The following PPP2R1A variants were observed in gnomAD, a reference collection of about 807,000 sequenced individuals.
The protein encoded by PPP2R1A is protein phosphatase 2 scaffold subunit Aalpha.
Under a neutral mutation model 67.1 loss-of-function variants are expected in PPP2R1A, and 15 were observed. The ratio of observed to expected loss-of-function variants is 0.22; its 90% confidence interval spans 0.15 to 0.34. The LOEUF is 0.34. Ranked by LOEUF, PPP2R1A falls within the 10% of genes least tolerant of loss-of-function variation. The probability of loss-of-function intolerance (pLI) is 1.00; values close to 1 mark genes in which losing one functional copy is unlikely to be tolerated. For synonymous variants in PPP2R1A, 337 were observed against 325.0 expected, an observed-to-expected ratio of 1.04 and a Z score of -0.40; for missense variants, 369 against 775.0, an observed-to-expected ratio of 0.48 and a Z score of 6.22.
Position 52,211,213 on chromosome 19 carries a change from GGATGGTGGA to G in PPP2R1A, c.271-44_271-36del. ...GTGCAGGATGGGGCTCCAGGGCTGC[GGATGGTGGA>G]GAGGGAGCTGTCCAGTGACTTTGTG... On this transcript the variant is annotated intron_variant, in intron 3 of 14. Coordinates refer to ENST00000322088, the MANE Select transcript of PPP2R1A (RefSeq NM_014225.6). This position sits in a 1 kb window ranked among gnomAD's most constrained non-coding sequence, Gnocchi z 5.3. 6.4e-7 allele frequency: 1 copy of G among 1,573,460 alleles called. No homozygotes were observed. Among genetic ancestry groups the G allele is most frequent in the Non-Finnish European group, 8.7e-7 (1 of 1,153,620 alleles).
chr19:52,190,192 GA>G lies in PPP2R1A; in HGVS notation c.78+19del, dbSNP rs2089438972. 6.5e-7 allele frequency: 1 copy of G among 1,549,798 alleles called. No homozygotes were observed. The highest frequency in any genetic ancestry group is 2.5e-5 in the East Asian group (1 of 40,682). On this transcript the variant is annotated intron_variant, in intron 1 of 14. Transcript: ENST00000322088. Reference sequence around the variant, plus strand: ...ACGTTCAGGTCCGGAGGCTACGGGGGACTTGGGGAAGACGCGGAGGGGTACC... The same window carrying G: ...ACGTTCAGGTCCGGAGGCTACGGGGGCTTGGGGAAGACGCGGAGGGGTACC...
rs2122339554 is a variant in PPP2R1A at position 52,213,147 on chromosome 19, G to T, written c.807+37G>T. 6.6e-7 allele frequency: 1 copy of T among 1,515,018 alleles called. No homozygotes were observed. The highest frequency in any genetic ancestry group is 1.3e-5 in the South Asian group (1 of 77,006). The allele number at this position is 1,515,018 out of a possible 1,614,324, so 93.8% of individuals were successfully genotyped here. On this transcript the variant is annotated intron_variant, in intron 6 of 14. Coordinates refer to ENST00000322088, the MANE Select transcript of PPP2R1A (RefSeq NM_014225.6). The surrounding 1 kb of genome is among the most constrained non-coding windows in gnomAD (Gnocchi z 4.2). ...ACCGTTGACATTGTCCCACTGGTGG[G>T]GACACTGACACTCTCAGAAGGGAAG...
At chr19:52,206,242 G>C (rs1031500208) in intron 3 of PPP2R1A, among the ~76,000 whole-genome samples, 179 bp downstream of exon 3, 6 of 152,122 alleles carry the variant, frequency 3.9e-5, no homozygotes, top group Admixed American at 6.5e-5. Flanking sequence ...GTGAACTCAG[G>C]GTGCAGTTAT....
chr19:52,213,128 G>A lies in PPP2R1A; in HGVS notation c.807+18G>A, dbSNP rs2122339413. On this transcript the variant is annotated intron_variant, in intron 6 of 14. Coordinates refer to ENST00000322088, the MANE Select transcript of PPP2R1A (RefSeq NM_014225.6). The surrounding 1 kb of genome is among the most constrained non-coding windows in gnomAD (Gnocchi z 4.2). ...TCACAGAGGTAGATGAGCGACCGTT[G>A]ACATTGTCCCACTGGTGGGGACACT... 6.5e-7 allele frequency: 1 copy of A among 1,536,894 alleles called. No individual in the cohort carries two copies. Among genetic ancestry groups the A allele is most frequent in the South Asian group, 1.2e-5 (1 of 80,528 alleles).
At position 52,190,102 on chromosome 19, in the gene PPP2R1A, G is replaced by C; in HGVS notation, c.6G>C (p.Ala2=). The change falls in exon 1 of 15, where the codon GCG becomes GCC. Residue 2 remains alanine (A), a synonymous_variant. Coordinates refer to ENST00000322088, the MANE Select transcript of PPP2R1A (RefSeq NM_014225.6). Reference sequence around the variant, plus strand: ...AGGAAAGGGACGGAGCCAAGATGGCGGCGGCCGACGGCGACGACTCGCTGT... The same window carrying C: ...AGGAAAGGGACGGAGCCAAGATGGCCGCGGCCGACGGCGACGACTCGCTGT... M[A]AADGDDSLYP... 1 of 1,550,284 alleles carries C rather than the reference G, an allele frequency of 6.5e-7. No homozygotes were observed. The highest frequency in any genetic ancestry group is 8.7e-7 in the Non-Finnish European group (1 of 1,146,616).
chr19:52,225,703 CT>C lies in PPP2R1A; in HGVS notation c.1662-11del. 6.2e-7 allele frequency: 1 copy of C among 1,613,106 alleles called. No individual in the cohort carries two copies. The highest frequency in any genetic ancestry group is 8.5e-7 in the Non-Finnish European group (1 of 1,179,084). On this transcript the variant is annotated splice_polypyrimidine_tract_variant and intron_variant, in intron 13 of 14. Coordinates refer to ENST00000322088, the MANE Select transcript of PPP2R1A (RefSeq NM_014225.6). The stretch of plus-strand genomic sequence containing the variant: ...GGCTCACCCTCTCTCTCCCTGTCTC[CT>C]TTCGCTTTCCAGCACCTTGCAGAGT...
At chr19:52,198,409 G>A in intron 1 of PPP2R1A, among the ~76,000 whole-genome samples, 1 of 152,080 alleles carries the variant, frequency 6.6e-6, no homozygotes, top group East Asian at 1.9e-4. Context: ...CCCACCTCTT[G>A]GGCATCCCCA....
chr19:52,205,595 CT>C (rs1178206273), intron 2 of PPP2R1A, among the ~76,000 whole-genome samples: 3 of 152,320 alleles, frequency 2.0e-5, no homozygotes, highest in South Asian at 4.1e-4. Context: ...CAAAAAAGCT[CT>C]CGTTGACCAT....
rs1483477753 is a variant in PPP2R1A, at chr19:52,229,094, C to G, written c.*3113C>G. On this transcript the variant is annotated 3_prime_UTR_variant, in exon 15 of 15. Coordinates refer to ENST00000322088, the MANE Select transcript of PPP2R1A (RefSeq NM_014225.6). ...AAGATTCTGCCTGTGGCCATCAGGG[C>G]TGGAGGGAAGGAGGCCAGGTTCATC... is the stretch of plus-strand genomic sequence containing the variant. The G allele has an allele frequency of 6.6e-6, 1 of 152,148 alleles. No individual in the cohort carries two copies. Among genetic ancestry groups the G allele is most frequent in the African/African-American group, 2.4e-5 (1 of 41,390 alleles). The allele number at this position is 152,148 out of a possible 1,614,324, so 9.4% of individuals were successfully genotyped here.
chr19:52,202,257 C>T (rs183955266), intron 2 of PPP2R1A, among the ~76,000 whole-genome samples: 19 of 148,804 alleles, frequency 1.3e-4, no homozygotes, highest in Non-Finnish European at 2.6e-4. Context: ...GCAGGTAGAA[C>T]GAGGTTTGAG....
chr19:52,226,056 TG>T lies in PPP2R1A; in HGVS notation c.*81del, dbSNP rs1979240390. ...CACAAGTCCCTCTTTGGGGAGACAC[TG>T]GGGGGCCTTTGGCTGTCACTCCCTG... On this transcript the variant is annotated 3_prime_UTR_variant, in exon 15 of 15. Transcript: ENST00000322088. 1.9e-6 allele frequency: 3 copies of T among 1,608,452 alleles called. No individual in the cohort carries two copies. Among genetic ancestry groups the T allele is most frequent in the Admixed American group, 3.3e-5 (2 of 59,988 alleles).
rs2122336881 is a variant in PPP2R1A at position 52,212,909 on chromosome 19, C to T, written c.652-46C>T. 1 of 1,567,828 alleles carries T rather than the reference C, an allele frequency of 6.4e-7. No individual in the cohort carries two copies. Among genetic ancestry groups the T allele is most frequent in the Non-Finnish European group, 8.7e-7 (1 of 1,155,502 alleles). ...GCCCATGAAAGAGAATCCCAGAGCT[C>T]AGCAAGGCCTCTGCTGCCCTCCCAC... On this transcript the variant is annotated intron_variant, in intron 5 of 14. Coordinates refer to ENST00000322088, the MANE Select transcript of PPP2R1A (RefSeq NM_014225.6). This position sits in a 1 kb window ranked among gnomAD's most constrained non-coding sequence, Gnocchi z 4.1.
At chr19:52,221,997 G>T in intron 12 of PPP2R1A, 102 bp from the exon 13 acceptor site, 1 of 1,257,766 alleles carries the variant, frequency 8.0e-7, no homozygotes. Flanking sequence ...CTCAGCCTCT[G>T]TGGGGCCTGA....
At position 52,202,047 on chromosome 19, in the gene PPP2R1A, AC is replaced by A. The variant is rs777978629; in HGVS notation, c.169+17del. 1.1e-5 allele frequency: 17 copies of A among 1,611,062 alleles called. No homozygotes were observed. The highest frequency in any genetic ancestry group is 1.7e-4 in the Middle Eastern group (1 of 6,048). ...CCTTTCCTTACAGGTAACAAAGGGG[AC>A]CCCTGGGGCCCAGATGTGGGGACTC... is the stretch of plus-strand genomic sequence containing the variant. On this transcript the variant is annotated intron_variant, in intron 2 of 14. Transcript: ENST00000322088.
chr19:52,226,023 C>G lies in PPP2R1A; in HGVS notation c.*42C>G, dbSNP rs1284088279. The G allele has an allele frequency of 6.2e-7, 1 of 1,614,126 alleles. No homozygotes were observed. The highest frequency in any genetic ancestry group is 8.5e-7 in the Non-Finnish European group (1 of 1,179,922). On this transcript the variant is annotated 3_prime_UTR_variant, in exon 15 of 15. Transcript: ENST00000322088. ...AACACTGGCCTCTGGTGTCCACCCT[C>G]CAACCCCCACAAGTCCCTCTTTGGG...
chr19:52,196,217 TC>T (rs1485295918), intron 1 of PPP2R1A, among the ~76,000 whole-genome samples: 1 of 152,172 alleles, frequency 6.6e-6, no homozygotes, highest in Non-Finnish European at 1.5e-5. Context: ...TATGACATGA[TC>T]AATGGCCAGT....
rs1978975901 is a variant in PPP2R1A, at chr19:52,222,154, T to G, written c.1574T>G (p.Val525Gly). Residue 525 changes from valine (V) to glycine (G), a missense_variant, in exon 13 of 15, where the codon GTT becomes GGT. By Grantham distance (109) the Val-to-Gly change is moderately radical (BLOSUM62 -3). This residue lies in a region of PPP2R1A where 276 missense variants were observed against 508.4 expected (regional missense o/e 0.54). Transcript: ENST00000322088. The part of the protein sequence containing the change: ...DITTKHMLPT[V>G]LRMAGDPVAN... Reference sequence around the variant, plus strand: ...ACCACCAAGCACATGCTACCCACGGTTCTGCGCATGGCTGGGGACCCGGTT... The same window carrying G: ...ACCACCAAGCACATGCTACCCACGGGTCTGCGCATGGCTGGGGACCCGGTT... 6.2e-7 allele frequency: 1 copy of G among 1,613,972 alleles called. No homozygotes were observed.
At chr19:52,217,009 A>G (rs7251894) in intron 9 of PPP2R1A, among the ~76,000 whole-genome samples, 58,979 of 151,930 alleles carry the variant, frequency 0.39, 11,646 homozygotes, top group African/African-American at 0.49. Context: ...GGCCAACATG[A>G]TGAAACCTCG....
chr19:52,207,884 G>T (rs914821390), intron 3 of PPP2R1A, among the ~76,000 whole-genome samples: 1 of 152,128 alleles, frequency 6.6e-6, no homozygotes, highest in Non-Finnish European at 1.5e-5. Flanking sequence ...GAGGCAGGGG[G>T]GTCCTTAAAC....
Sources: gnomAD v4.1 joint callset for allele counts (sites outside exome capture counted in the v4.1 genomes callset) on GRCh38, gnomAD v4.1.1 for gene constraint, gnomAD v4.1.1 regional missense constraint, Gnocchi (gnomAD v3.1) non-coding constraint, MANE v1.5 for transcripts, NCBI Gene and HGNC (gene_info 2026-07-23, HGNC 2026-07-21) for gene names.